The following SLC44A5 variants were observed in gnomAD, a reference collection of about 807,000 sequenced individuals.
SLC44A5 encodes the protein solute carrier family 44 member 5.
A neutral mutation model predicts 101.8 loss-of-function variants in SLC44A5; 57 were observed. That is an observed-to-expected ratio of 0.56 (90% CI 0.45 to 0.70). SLC44A5 has a LOEUF of 0.70. SLC44A5 is among the 30% of genes least tolerant of loss of function. SLC44A5 has a pLI of 0.00. For missense variants in SLC44A5, 737 were observed against 853.1 expected, an observed-to-expected ratio of 0.86 and a Z score of 1.70; for synonymous variants, 281 against 290.9, an observed-to-expected ratio of 0.97 and a Z score of 0.35.
In SLC44A5 at chr1:75,238,642, A is replaced by C; in HGVS notation, c.533-6T>G. ...AGGGAAACATCTCTGGAGAACTGTA[A>C]AAATAAATTAAAATTATTGTAATCA... On this transcript the variant is annotated splice_region_variant and splice_polypyrimidine_tract_variant and intron_variant, in intron 9 of 23. Coordinates refer to ENST00000370859, the MANE Select transcript of SLC44A5 (RefSeq NM_001130058.2). The C allele has an allele frequency of 6.6e-7, 1 of 1,520,992 alleles. No homozygotes were observed. Among genetic ancestry groups the C allele is most frequent in the Non-Finnish European group, 8.9e-7 (1 of 1,123,648 alleles). The allele number at this position is 1,520,992 out of a possible 1,614,324, so 94.2% of individuals were successfully genotyped here.
the SLC44A5 span, among the ~76,000 whole-genome samples, chr1:75,679,907 G>C: frequency 1.3e-5 from 2 of 152,246 alleles, no homozygotes; most frequent in Admixed American, 1.3e-4. Flanking sequence ...AAAATAAAAG[G>C]ATGGAGGAAG....
chr1:75,537,650 C>T (rs1671129745), intron 2 of SLC44A5, among the ~76,000 whole-genome samples: 1 of 152,120 alleles, frequency 6.6e-6, no homozygotes, highest in Non-Finnish European at 1.5e-5. Flanking sequence ...CAGGGGGTGG[C>T]CAGTGGGCAT....
chr1:75,316,754 A>G (rs1327020668), intron 4 of SLC44A5, among the ~76,000 whole-genome samples: 3 of 152,202 alleles, frequency 2.0e-5, no homozygotes, highest in African/African-American at 7.2e-5. Context: ...CTCATTTTAT[A>G]TCACCTTCTC....
chr1:75,475,436 C>A (rs1274059878), intron 2 of SLC44A5, among the ~76,000 whole-genome samples: 1 of 152,226 alleles, frequency 6.6e-6, no homozygotes, highest in Admixed American at 6.5e-5. Flanking sequence ...CTCCTCTGAA[C>A]AAGTATTATT....
chr1:75,645,530 G>A, the SLC44A5 span, among the ~76,000 whole-genome samples: 39 of 151,516 alleles, frequency 2.6e-4, no homozygotes, highest in Admixed American at 9.2e-4. Flanking sequence ...GATATTAGCC[G>A]TTTGTCAGAT....
At chr1:75,364,358 C>T (rs138513801) in intron 3 of SLC44A5, among the ~76,000 whole-genome samples, 14 of 152,258 alleles carry the variant, frequency 9.2e-5, no homozygotes, top group African/African-American at 3.4e-4. Flanking sequence ...GCAACAGGAA[C>T]ATCACATGGC....
rs1040854754 is a variant in SLC44A5, at chr1:75,391,520, A to C, written c.52+5063T>G. ...AACAGCATGGTACTGACATAAAAAC[A>C]GACGTATAGACCCATGGAATAGAAT... On this transcript the variant is annotated intron_variant, in intron 3 of 23. Coordinates refer to ENST00000370859, the MANE Select transcript of SLC44A5 (RefSeq NM_001130058.2). 2.0e-5 allele frequency among the ~76,000 whole-genome samples: 3 copies of C among 152,210 alleles called. 1 individual carries two copies. The highest frequency in any genetic ancestry group is 4.4e-5 in the Non-Finnish European group (3 of 68,034).
rs1671343527 is a variant in SLC44A5, at chr1:75,541,298, A to G, written c.13+137T>C. On this transcript the variant is annotated intron_variant, in intron 2 of 23. Coordinates refer to ENST00000370859, the MANE Select transcript of SLC44A5 (RefSeq NM_001130058.2). ...AGAACCACAAGGTCTAACATGCTGT[A>G]GTTTTCCAGGTGCAGCTTCCAGTGA... 9.1e-6 allele frequency: 6 copies of G among 656,696 alleles called. No homozygotes were observed. In the South Asian group the frequency reaches 1.2e-4, roughly 13 times the overall value. 40.7% of individuals were successfully genotyped at this position (656,696 alleles called of 1,614,324 possible).
At chr1:75,409,047 A>G (rs1663099069) in intron 2 of SLC44A5, among the ~76,000 whole-genome samples, 1 of 152,200 alleles carries the variant, frequency 6.6e-6, no homozygotes, top group Non-Finnish European at 1.5e-5. Context: ...CTTTGCAGCA[A>G]CATGGATGCA....
At chr1:75,219,214 G>C (rs1326259252) in intron 16 of SLC44A5, 43 bp downstream of exon 16, 1 of 1,285,092 alleles carries the variant, frequency 7.8e-7, no homozygotes. Flanking sequence ...TGCAGCAGAA[G>C]TCTATATTGA....
chr1:75,594,977 C>T (rs1449142386), intron 1 of SLC44A5, among the ~76,000 whole-genome samples: 4 of 151,734 alleles, frequency 2.6e-5, no homozygotes, highest in Non-Finnish European at 2.9e-5. Context: ...CATTTTAAAA[C>T]CCTTAAAATT....
intron 4 of SLC44A5, among the ~76,000 whole-genome samples, chr1:75,315,204 C>G (rs1356277318): frequency 6.6e-6 from 1 of 152,048 alleles, no homozygotes; most frequent in East Asian, 1.9e-4. Flanking sequence ...GAAAGGGAAA[C>G]AGAAAACTGA....
chr1:75,406,942 T>C (rs539334803), intron 2 of SLC44A5, among the ~76,000 whole-genome samples: 1 of 152,228 alleles, frequency 6.6e-6, no homozygotes, highest in East Asian at 1.9e-4. Context: ...GATGACATGA[T>C]TGTATATTTA....
intron 1 of SLC44A5, among the ~76,000 whole-genome samples, chr1:75,599,268 G>A (rs1425232398): frequency 6.6e-6 from 1 of 152,152 alleles, no homozygotes; most frequent in Non-Finnish European, 1.5e-5. Flanking sequence ...CTAAGAAAGA[G>A]ATGACAGTTT....
chr1:75,482,029 A>G (rs1408189578), intron 2 of SLC44A5, among the ~76,000 whole-genome samples: 1 of 152,174 alleles, frequency 6.6e-6, no homozygotes, highest in African/African-American at 2.4e-5. Flanking sequence ...CCAAATGTCC[A>G]ACAATGATAG....
At chr1:75,691,564 G>C in the SLC44A5 span, among the ~76,000 whole-genome samples, 2 of 152,164 alleles carry the variant, frequency 1.3e-5, no homozygotes, top group Non-Finnish European at 2.9e-5. Context: ...AAATGAAAAA[G>C]GGGGAAAATC....
chr1:75,647,688 A>G, the SLC44A5 span, among the ~76,000 whole-genome samples: 103 of 152,198 alleles, frequency 6.8e-4, no homozygotes, highest in Non-Finnish European at 1.0e-3. Flanking sequence ...GTCAAAGGAG[A>G]TCATTTTGGA....
intron 1 of SLC44A5, among the ~76,000 whole-genome samples, chr1:75,578,558 C>A (rs2102061262): frequency 6.6e-6 from 1 of 152,194 alleles, no homozygotes; most frequent in South Asian, 2.1e-4. Flanking sequence ...ATTGTGACCT[C>A]ATTTATATGT....
chr1:75,536,417 G>A (rs561564272), intron 2 of SLC44A5, among the ~76,000 whole-genome samples: 192 of 151,588 alleles, frequency 1.3e-3, no homozygotes, highest in Middle Eastern at 3.4e-3. Context: ...GGCTAACACA[G>A]TGAAACCCCG....
Sources: gnomAD v4.1 joint callset for allele counts (sites outside exome capture counted in the v4.1 genomes callset) on GRCh38, gnomAD v4.1.1 for gene constraint, MANE v1.5 for transcripts, NCBI Gene and HGNC (gene_info 2026-07-23, HGNC 2026-07-21) for gene names.